Variants in AGBL4 observed in about 807,000 individuals in gnomAD.
AGBL4 encodes AGBL carboxypeptidase 4.
AGBL4 carries 58 observed loss-of-function variants against 66.4 expected under a neutral mutation model. That is an observed-to-expected ratio of 0.87 (90% CI 0.71 to 1.09). The LOEUF (loss-of-function observed/expected upper bound fraction) is 1.09, where lower values mean the gene tolerates loss of function less well. Among genes scored for constraint, AGBL4 ranks in the 50% least tolerant of loss-of-function variants. AGBL4 has a pLI of 0.00. For missense variants in AGBL4, 579 were observed against 631.0 expected (o/e 0.92, Z 0.88); for synonymous variants, 234 against 222.9 (o/e 1.05, Z -0.44).
At chr1:48,664,722 T>G (rs1432171140) in intron 6 of AGBL4, among the ~76,000 whole-genome samples, 1 of 152,146 alleles carries the variant, frequency 6.6e-6, no homozygotes, top group African/African-American at 2.4e-5. Context: ...ATTTGTATAA[T>G]AAAGTTGAAC....
chr1:49,546,396 C>A (rs1652491799), intron 3 of AGBL4, among the ~76,000 whole-genome samples: 1 of 151,238 alleles, frequency 6.6e-6, no homozygotes, highest in Admixed American at 6.6e-5. Context: ...ACCACAGTGT[C>A]TTTATTCAAT....
At chr1:49,269,913 G>A (rs1310758739) in intron 3 of AGBL4, among the ~76,000 whole-genome samples, 1 of 152,134 alleles carries the variant, frequency 6.6e-6, no homozygotes, top group Non-Finnish European at 1.5e-5. Context: ...TTGGCACTGT[G>A]AGCAGAATAC....
chr1:48,624,891 T>G (rs1294966984), intron 9 of AGBL4, among the ~76,000 whole-genome samples: 2 of 22,212 alleles, frequency 9.0e-5, no homozygotes, highest in African/African-American at 2.5e-4. Context: ...TAATTCCAGG[T>G]GTGTGTGTGT....
intron 5 of AGBL4, among the ~76,000 whole-genome samples, chr1:48,998,691 A>G (rs1661187681): frequency 6.6e-6 from 1 of 152,220 alleles, no homozygotes; most frequent in Non-Finnish European, 1.5e-5. Context: ...GGGTACTGAA[A>G]GGAATGTGGA....
chr1:49,644,866 T>C (rs1645854572), intron 3 of AGBL4, among the ~76,000 whole-genome samples: 1 of 151,472 alleles, frequency 6.6e-6, no homozygotes, highest in South Asian at 2.1e-4. Context: ...TATATACTAC[T>C]GGACCATAAA....
At chr1:48,675,304 G>A (rs574828227) in intron 6 of AGBL4, among the ~76,000 whole-genome samples, 3 of 152,260 alleles carry the variant, frequency 2.0e-5, no homozygotes, top group South Asian at 2.1e-4. Flanking sequence ...TGACAGAAGC[G>A]GAGCTCAAGG....
chr1:49,077,487 T>C (rs1003744754), intron 4 of AGBL4, among the ~76,000 whole-genome samples: 1 of 152,130 alleles, frequency 6.6e-6, no homozygotes, highest in Admixed American at 6.5e-5. Flanking sequence ...ATGTATCAGA[T>C]ATATCAAACT....
chr1:48,634,568 C>G lies in AGBL4; in HGVS notation c.876G>C (p.Trp292Cys). The change falls in exon 9 of 14, where the codon TGG becomes TGC. Residue 292 changes from tryptophan to cysteine, a missense_variant. By Grantham distance (215) the Trp-to-Cys change is radical. Coordinates refer to ENST00000371839, the MANE Select transcript of AGBL4 (RefSeq NM_032785.4). The stretch of plus-strand genomic sequence containing the variant: ...GATGGACCCATGGAGAGGGATCCAG[C>G]CAGTGACGATTCAGATCAAATCCCA... ...SLMGFDLNRH[W>C]LDPSPWVHPT... 1 of 1,605,536 alleles carries G rather than the reference C, an allele frequency of 6.2e-7. No homozygotes were observed. The highest frequency in any genetic ancestry group is 8.5e-7 in the Non-Finnish European group (1 of 1,175,946).
chr1:49,950,017 CATATGT>C (rs1655946891), intron 1 of AGBL4, among the ~76,000 whole-genome samples: 1 of 38,794 alleles, frequency 2.6e-5, no homozygotes, highest in Non-Finnish European at 6.4e-5. Flanking sequence ...TATACACACA[CATATGT>C]GTGTGTGTGT....
At chr1:48,711,138 GCCCA>G (rs1426542265) in intron 6 of AGBL4, among the ~76,000 whole-genome samples, 1 of 152,142 alleles carries the variant, frequency 6.6e-6, no homozygotes, top group Non-Finnish European at 1.5e-5. Flanking sequence ...TCCAGCTCCA[GCCCA>G]GCCCATGGTC....
At chr1:49,107,692 T>TGAGAGA (rs1479107593) in intron 4 of AGBL4, among the ~76,000 whole-genome samples, 135 of 117,774 alleles carry the variant, frequency 1.1e-3, no homozygotes, top group South Asian at 4.6e-3. Context: ...TGTGTGTGTG[T>TGAGAGA]GTGAGAGAGA....
intron 4 of AGBL4, among the ~76,000 whole-genome samples, chr1:49,098,261 G>A (rs1278632554): frequency 2.6e-5 from 4 of 152,228 alleles, no homozygotes; most frequent in Non-Finnish European, 5.9e-5. Context: ...AAGAAAATTG[G>A]AGTACATGTG....
At chr1:49,977,881 A>T (rs1658705949) in intron 1 of AGBL4, among the ~76,000 whole-genome samples, 1 of 152,164 alleles carries the variant, frequency 6.6e-6, no homozygotes, top group Non-Finnish European at 1.5e-5. Context: ...CCTGCTGCCT[A>T]GCCATTATCT....
intron 6 of AGBL4, among the ~76,000 whole-genome samples, chr1:48,827,934 C>A (rs897398842): frequency 5.3e-5 from 8 of 150,950 alleles, no homozygotes; most frequent in African/African-American, 2.0e-4. Flanking sequence ...GCGGGCAGAT[C>A]ACGAGGTCAG....
chr1:49,418,711 GA>G (rs1645480778), intron 3 of AGBL4, among the ~76,000 whole-genome samples: 1 of 152,206 alleles, frequency 6.6e-6, no homozygotes, highest in South Asian at 2.1e-4. Context: ...TTAAAGGACT[GA>G]AAGAAGGCTA....
chr1:48,661,270 A>T (rs2148453885), intron 7 of AGBL4, among the ~76,000 whole-genome samples: 1 of 152,322 alleles, frequency 6.6e-6, no homozygotes, highest in South Asian at 2.1e-4. Context: ...CAGTGGGGGC[A>T]CTCACAATGA....
At chr1:49,874,982 C>T (rs373746534) in intron 1 of AGBL4, among the ~76,000 whole-genome samples, 4 of 104,510 alleles carry the variant, frequency 3.8e-5, no homozygotes, top group Admixed American at 1.1e-4. Context: ...CCCCTCCCCC[C>T]ACCCCACAAC....
At chr1:49,689,448 A>C (rs1646846050) in intron 3 of AGBL4, among the ~76,000 whole-genome samples, 2 of 152,174 alleles carry the variant, frequency 1.3e-5, no homozygotes, top group Non-Finnish European at 2.9e-5. Context: ...CTTTTATGCC[A>C]GTACCATGCT....
At chr1:48,655,477 G>A (rs1646005526) in intron 7 of AGBL4, among the ~76,000 whole-genome samples, 1 of 152,188 alleles carries the variant, frequency 6.6e-6, no homozygotes. Flanking sequence ...CAGGACCTGA[G>A]TTTGAATCTT....
Sources: gnomAD v4.1 joint callset for allele counts (sites outside exome capture counted in the v4.1 genomes callset) on GRCh38, gnomAD v4.1.1 for gene constraint, MANE v1.5 for transcripts, NCBI Gene and HGNC (gene_info 2026-07-23, HGNC 2026-07-21) for gene names.